Variants in PTPRN2 observed in about 807,000 individuals in gnomAD.
PTPRN2 encodes receptor-type tyrosine-protein phosphatase N2.
In PTPRN2, 74 loss-of-function variants were observed where a neutral mutation model predicts 118.8. The observed-to-expected ratio is 0.62, with a 90% CI of 0.52 to 0.76. The LOEUF (loss-of-function observed/expected upper bound fraction) is 0.76. Among genes scored for constraint, PTPRN2 ranks in the 30% least tolerant of loss-of-function variants. The pLI is 0.00. For synonymous variants in PTPRN2, 641 were observed against 608.0 expected, an observed-to-expected ratio of 1.05 and a Z score of -0.80; for missense variants, 1,481 against 1,394.4, an observed-to-expected ratio of 1.06 and a Z score of -0.99.
intron 16 of PTPRN2, among the ~76,000 whole-genome samples, chr7:157,601,905 A>ATAGT (rs1452528000): frequency 5.3e-5 from 8 of 152,220 alleles, no homozygotes. Context: ...TCGTGTTGCC[A>ATAGT]ACTCTGCTGC....
At chr7:157,544,192 G>C (rs1202502063) in intron 22 of PTPRN2, among the ~76,000 whole-genome samples, 1 of 152,158 alleles carries the variant, frequency 6.6e-6, no homozygotes, top group Non-Finnish European at 1.5e-5. Flanking sequence ...GAGAGAGATG[G>C]AGAGCTACGG....
intron 11 of PTPRN2, among the ~76,000 whole-genome samples, chr7:158,060,329 G>C (rs10281372): frequency 0.94 from 125,859 of 133,722 alleles, 59,045 homozygotes; most frequent in East Asian, 0.99. Flanking sequence ...TGACACATCA[G>C]TGCAGGGTAG....
chr7:158,085,366 ACGCC>A (rs1344080518), intron 10 of PTPRN2, among the ~76,000 whole-genome samples: 345 of 91,620 alleles, frequency 3.8e-3, no homozygotes, highest in Non-Finnish European at 5.2e-3. Context: ...CACACCCACG[ACGCC>A]CATCCACACA....
At chr7:158,432,308 C>G (rs1201010821) in intron 2 of PTPRN2, among the ~76,000 whole-genome samples, 1 of 152,266 alleles carries the variant, frequency 6.6e-6, no homozygotes, top group Non-Finnish European at 1.5e-5. Context: ...GGATCCCAGG[C>G]TCCTTCCCTG....
At chr7:157,663,230 G>A (rs977435006) in intron 13 of PTPRN2, among the ~76,000 whole-genome samples, 4 of 152,106 alleles carry the variant, frequency 2.6e-5, no homozygotes, top group Non-Finnish European at 4.4e-5. Context: ...CCAGGCCCGC[G>A]AGGAGGTCAC....
In PTPRN2 at chr7:157,808,399, A is replaced by T. The variant is rs1326313127; in HGVS notation, c.1788+90274T>A. 1.3e-5 allele frequency among the ~76,000 whole-genome samples: 2 copies of T among 152,178 alleles called. No individual in the cohort carries two copies. Among genetic ancestry groups the T allele is most frequent in the Non-Finnish European group, 2.9e-5 (2 of 68,026 alleles). On this transcript the variant is annotated intron_variant, in intron 12 of 22. Transcript: ENST00000389418. The surrounding 1 kb of genome is among the most constrained non-coding windows in gnomAD (Gnocchi z 5.0). ...TTTATAGCCAGTCCCCATGGCTCAC[A>T]GTACTGCCTGGGCTCCACCTCCTGT...
chr7:157,586,417 G>A (rs1047457773), intron 17 of PTPRN2, among the ~76,000 whole-genome samples: 5 of 152,192 alleles, frequency 3.3e-5, no homozygotes, highest in Non-Finnish European at 7.3e-5. Context: ...AGCAAGCTGA[G>A]TCTTCACCCA....
intron 3 of PTPRN2, among the ~76,000 whole-genome samples, chr7:158,287,120 A>G (rs746268458): frequency 2.6e-5 from 4 of 152,074 alleles, no homozygotes; most frequent in Non-Finnish European, 5.9e-5. Flanking sequence ...GGGTTATCCA[A>G]TTTTTGGCAT....
intron 11 of PTPRN2, among the ~76,000 whole-genome samples, chr7:157,955,543 A>T (rs1388958181): frequency 1.3e-5 from 2 of 152,138 alleles, no homozygotes; most frequent in African/African-American, 4.8e-5. Flanking sequence ...GCAACTCCTC[A>T]ATTCTGCACC....
chr7:158,233,833 T>C (rs1829333911), intron 3 of PTPRN2, among the ~76,000 whole-genome samples: 1 of 152,160 alleles, frequency 6.6e-6, no homozygotes, highest in Admixed American at 6.5e-5. Flanking sequence ...TATAACCAAC[T>C]CATTTTTCAC....
At chr7:158,047,645 G>A (rs1193647107) in intron 11 of PTPRN2, among the ~76,000 whole-genome samples, 6 of 152,218 alleles carry the variant, frequency 3.9e-5, no homozygotes, top group Admixed American at 1.3e-4. Flanking sequence ...CAGTCACTGC[G>A]CTTGGGAGAG....
intron 9 of PTPRN2, among the ~76,000 whole-genome samples, chr7:158,115,892 T>C (rs1030746848): frequency 2.0e-5 from 3 of 152,206 alleles, no homozygotes; most frequent in African/African-American, 7.2e-5. Context: ...GGCCCTCAAC[T>C]GTCTGCACTG....
chr7:157,672,974 A>AATCT (rs1372729426), intron 13 of PTPRN2, among the ~76,000 whole-genome samples: 43 of 152,220 alleles, frequency 2.8e-4, no homozygotes, highest in African/African-American at 8.9e-4. Flanking sequence ...TACATTAAAA[A>AATCT]ATCTTGAAAG....
intron 11 of PTPRN2, among the ~76,000 whole-genome samples, chr7:158,064,429 C>T (rs1485861773): frequency 1.3e-5 from 2 of 152,076 alleles, no homozygotes; most frequent in Non-Finnish European, 2.9e-5. Flanking sequence ...AGCTGTGGGG[C>T]CAGAGACTGG....
At chr7:158,359,976 G>C (rs1302714656) in intron 2 of PTPRN2, among the ~76,000 whole-genome samples, 1 of 152,056 alleles carries the variant, frequency 6.6e-6, no homozygotes, top group African/African-American at 2.4e-5. Context: ...CGCTCCTTAA[G>C]AGCAGCGTGT....
intron 12 of PTPRN2, among the ~76,000 whole-genome samples, chr7:157,797,866 C>G (rs1804969359): frequency 6.6e-6 from 1 of 152,252 alleles, no homozygotes; most frequent in African/African-American, 2.4e-5. Flanking sequence ...TGAGACCCCT[C>G]TGAACCTCCA....
chr7:157,941,957 G>A (rs1015875722), intron 11 of PTPRN2, among the ~76,000 whole-genome samples: 1 of 150,034 alleles, frequency 6.7e-6, no homozygotes, highest in African/African-American at 2.5e-5. Context: ...GGGGTCCACG[G>A]CACACCCTCC....
intron 2 of PTPRN2, among the ~76,000 whole-genome samples, chr7:158,379,430 C>T (rs149097295): frequency 6.6e-5 from 10 of 152,156 alleles, no homozygotes; most frequent in Non-Finnish European, 1.5e-4. Flanking sequence ...AAGAGCCACA[C>T]TAATTACACA....
chr7:158,534,785 T>C lies in PTPRN2; in HGVS notation c.113-45000A>G, dbSNP rs199954418. Among the ~76,000 whole-genome samples, 12 of 149,088 alleles carry C rather than the reference T, an allele frequency of 8.0e-5. 1 individual carries two copies. In the East Asian group the frequency reaches 2.5e-3, roughly 31 times the overall value. ...GACGAGACATTCTCCATATGTTTCT[T>C]GGCTCCAGGCAGCTCATCGACAGAT... On this transcript the variant is annotated intron_variant, in intron 1 of 22. Transcript: ENST00000389418.
Sources: allele counts gnomAD v4.1 joint callset (sites outside exome capture counted in the v4.1 genomes callset), GRCh38; gene constraint gnomAD v4.1.1; non-coding constraint Gnocchi (gnomAD v3.1); transcripts MANE v1.5; gene names NCBI Gene and HGNC (gene_info 2026-07-23, HGNC 2026-07-21).